The following ZNF704 variants were observed in gnomAD, a reference collection of about 807,000 sequenced individuals.
ZNF704 encodes zinc finger protein 704.
A neutral mutation model predicts 44.7 loss-of-function variants in ZNF704; 10 were observed. The ratio of observed to expected loss-of-function variants is 0.22; its 90% CI spans 0.14 to 0.38. The LOEUF is 0.38. Among genes scored for constraint, ZNF704 ranks in the 10% least tolerant of loss-of-function variants. The pLI is 1.00. For missense variants in ZNF704, 390 were observed against 545.5 expected, an observed-to-expected ratio of 0.71 and a Z score of 2.84; for synonymous variants, 211 against 207.6, an observed-to-expected ratio of 1.02 and a Z score of -0.14.
chr8:80,786,199 G>C (rs1333410066), intron 2 of ZNF704, among the ~76,000 whole-genome samples: 2 of 152,144 alleles, frequency 1.3e-5, no homozygotes, highest in African/African-American at 4.8e-5. Context: ...GGAGGCCGCG[G>C]TTGTAGTGAA....
intron 7 of ZNF704, among the ~76,000 whole-genome samples, chr8:80,657,544 T>C (rs1019713331): frequency 2.6e-5 from 4 of 151,882 alleles, no homozygotes; most frequent in African/African-American, 9.7e-5. Context: ...AATACAAAAA[T>C]TAGCCAGGTG....
At chr8:80,741,057 T>C (rs975470650) in intron 2 of ZNF704, among the ~76,000 whole-genome samples, 2 of 152,228 alleles carry the variant, frequency 1.3e-5, no homozygotes, top group South Asian at 4.1e-4. Context: ...GGGCCCTCAG[T>C]GAGGAATGTA....
chr8:80,721,171 T>C (rs1359352417), intron 2 of ZNF704, among the ~76,000 whole-genome samples: 1 of 152,196 alleles, frequency 6.6e-6, no homozygotes, highest in South Asian at 2.1e-4. Flanking sequence ...CAGAGTCTAA[T>C]AGAGAGTATG....
chr8:80,701,427 C>G (rs1045612126), intron 2 of ZNF704, among the ~76,000 whole-genome samples: 1 of 151,860 alleles, frequency 6.6e-6, no homozygotes, highest in Non-Finnish European at 1.5e-5. Context: ...AGGTCTTTGT[C>G]ACATTCTGCC....
chr8:80,678,930 A>T (rs1179300770), intron 4 of ZNF704, among the ~76,000 whole-genome samples: 2 of 152,094 alleles, frequency 1.3e-5, no homozygotes, highest in Non-Finnish European at 2.9e-5. Context: ...GGAAAGCAGG[A>T]AGGTATTGAT....
chr8:80,740,461 A>T (rs989317314), intron 2 of ZNF704, among the ~76,000 whole-genome samples: 2 of 152,138 alleles, frequency 1.3e-5, no homozygotes, highest in African/African-American at 4.8e-5. Context: ...ACTCCAAAAA[A>T]TTGTTAAGGA....
intron 2 of ZNF704, among the ~76,000 whole-genome samples, chr8:80,786,072 C>A (rs958642812): frequency 1.2e-4 from 19 of 152,086 alleles, no homozygotes; most frequent in African/African-American, 4.1e-4. Context: ...CCAGCCTGGG[C>A]AACACGGGGA....
intron 2 of ZNF704, among the ~76,000 whole-genome samples, chr8:80,746,693 C>T (rs754253940): frequency 6.6e-6 from 1 of 152,094 alleles, no homozygotes; most frequent in Non-Finnish European, 1.5e-5. Flanking sequence ...CAAATAATCA[C>T]GCAAATTCAG....
At chr8:80,738,086 T>C (rs1429828201) in intron 2 of ZNF704, among the ~76,000 whole-genome samples, 1 of 152,228 alleles carries the variant, frequency 6.6e-6, no homozygotes, top group Non-Finnish European at 1.5e-5. Context: ...TATTTTCTCA[T>C]GGTCACACTG....
chr8:80,702,744 T>C (rs981806809), intron 2 of ZNF704, among the ~76,000 whole-genome samples: 8 of 152,176 alleles, frequency 5.3e-5, no homozygotes, highest in Admixed American at 3.9e-4. Context: ...AGATTTTCTA[T>C]GTAGAAAAAT....
chr8:80,647,341 C>T (rs1318292651), intron 7 of ZNF704, among the ~76,000 whole-genome samples: 1 of 152,012 alleles, frequency 6.6e-6, no homozygotes, highest in Non-Finnish European at 1.5e-5. Context: ...AAGGGGTGGG[C>T]ACTTTGTGGG....
chr8:80,822,615 T>A (rs1042926529), intron 1 of ZNF704, among the ~76,000 whole-genome samples: 1 of 152,244 alleles, frequency 6.6e-6, no homozygotes, highest in Non-Finnish European at 1.5e-5. Context: ...CCCTGAGGAA[T>A]CGCCACACTG....
At chr8:80,800,840 T>C (rs914497312) in intron 2 of ZNF704, among the ~76,000 whole-genome samples, 1 of 151,948 alleles carries the variant, frequency 6.6e-6, no homozygotes, top group Non-Finnish European at 1.5e-5. Context: ...ATGGGCTAAA[T>C]ACCCCAATTA....
Position 80,687,477 on chromosome 8 carries a change from A to C in ZNF704, c.326-19T>G. On this transcript the variant is annotated intron_variant, in intron 3 of 8. Transcript: ENST00000327835. ...AGGCTCTCTGCATGCACACAAACAC[A>C]GTCAGTGCCAGGACCCCTGCGTGCC... The C allele has an allele frequency of 1.3e-6, 2 of 1,496,624 alleles. No homozygotes were observed. The highest frequency in any genetic ancestry group is 2.5e-5 in the South Asian group (2 of 79,296). 92.7% of individuals were successfully genotyped at this position (1,496,624 alleles called of 1,614,324 possible).
chr8:80,734,374 T>G (rs891269726), intron 2 of ZNF704, among the ~76,000 whole-genome samples: 1 of 152,324 alleles, frequency 6.6e-6, no homozygotes, highest in South Asian at 2.1e-4. Context: ...TACCTAATGG[T>G]TAGTTACCTA....
chr8:80,820,351 G>T (rs1808248068), intron 2 of ZNF704, among the ~76,000 whole-genome samples: 1 of 152,166 alleles, frequency 6.6e-6, no homozygotes, highest in Non-Finnish European at 1.5e-5. Flanking sequence ...CTTTGGTTCA[G>T]TGCTATTGGG....
intron 2 of ZNF704, among the ~76,000 whole-genome samples, chr8:80,712,730 G>C (rs888400253): frequency 1.3e-5 from 2 of 151,860 alleles, no homozygotes; most frequent in African/African-American, 4.8e-5. Flanking sequence ...AAAAAAAAAA[G>C]TATCACCAGT....
At chr8:80,872,708 AAT>A (rs987830840) in intron 1 of ZNF704, among the ~76,000 whole-genome samples, 1 of 152,166 alleles carries the variant, frequency 6.6e-6, no homozygotes, top group African/African-American at 2.4e-5. Context: ...TCAGTTGTGT[AAT>A]AATAAACCCC....
At chr8:80,782,301 T>G (rs1450464862) in intron 2 of ZNF704, among the ~76,000 whole-genome samples, 1 of 152,152 alleles carries the variant, frequency 6.6e-6, no homozygotes, top group African/African-American at 2.4e-5. Flanking sequence ...CTAGGACAAA[T>G]GTAATTGTCT....
Sources: allele counts gnomAD v4.1 joint callset (sites outside exome capture counted in the v4.1 genomes callset), GRCh38; gene constraint gnomAD v4.1.1; transcripts MANE v1.5; gene names NCBI Gene and HGNC (gene_info 2026-07-23, HGNC 2026-07-21).